Variants in CADPS2 observed in about 807,000 individuals in gnomAD.
CADPS2 encodes the protein calcium dependent secretion activator 2.
CADPS2 carries 93 observed loss-of-function variants against 172.5 expected under a neutral mutation model. The ratio of observed to expected loss-of-function variants is 0.54; its 90% CI spans 0.46 to 0.64. CADPS2 has a LOEUF of 0.64. CADPS2 is among the 30% of genes least tolerant of loss of function. The pLI is 0.00. For synonymous variants in CADPS2, 546 were observed against 555.2 expected, an observed-to-expected ratio of 0.98 and a Z score of 0.23; for missense variants, 1,420 against 1,565.9, an observed-to-expected ratio of 0.91 and a Z score of 1.57.
intron 8 of CADPS2, among the ~76,000 whole-genome samples, chr7:122,541,857 TTATA>T (rs373127517): frequency 1.3e-5 from 1 of 79,036 alleles, no homozygotes; most frequent in Admixed American, 1.2e-4. Flanking sequence ...TCATATATAT[TTATA>T]TATATGCATA....
chr7:122,696,777 T>C (rs1374695234), intron 2 of CADPS2, among the ~76,000 whole-genome samples: 2 of 152,182 alleles, frequency 1.3e-5, no homozygotes, highest in Non-Finnish European at 2.9e-5. Context: ...TTTTCTGTTA[T>C]TTTGTATAAT....
chr7:122,613,995 T>G (rs1348712280), intron 6 of CADPS2, among the ~76,000 whole-genome samples: 1 of 151,966 alleles, frequency 6.6e-6, no homozygotes, highest in African/African-American at 2.4e-5. Context: ...AGGGAAGGAT[T>G]ATTCTCAGTG....
At chr7:122,722,086 T>C (rs1017739390) in intron 2 of CADPS2, among the ~76,000 whole-genome samples, 1 of 152,060 alleles carries the variant, frequency 6.6e-6, no homozygotes, top group African/African-American at 2.4e-5. Context: ...GCCAATATCA[T>C]ACTGAATGGG....
chr7:122,588,134 G>GC (rs2070078392), intron 6 of CADPS2, among the ~76,000 whole-genome samples: 1 of 151,966 alleles, frequency 6.6e-6, no homozygotes, highest in African/African-American at 2.4e-5. Context: ...TGGATGGATT[G>GC]CAACGATTTT....
chr7:122,659,962 A>C (rs987909155), intron 3 of CADPS2, among the ~76,000 whole-genome samples: 1 of 152,216 alleles, frequency 6.6e-6, no homozygotes. Flanking sequence ...AAAAACTGAG[A>C]GACTGCATCA....
intron 8 of CADPS2, among the ~76,000 whole-genome samples, chr7:122,522,821 G>A (rs1563586591): frequency 6.7e-6 from 1 of 149,714 alleles, no homozygotes; most frequent in Non-Finnish European, 1.5e-5. Flanking sequence ...GAGAACATGT[G>A]CCATCTGTCT....
intron 1 of CADPS2, among the ~76,000 whole-genome samples, chr7:122,787,926 A>G (rs1021100270): frequency 2.0e-5 from 3 of 152,198 alleles, no homozygotes; most frequent in Non-Finnish European, 4.4e-5. Flanking sequence ...AAAGGCTTTT[A>G]GGCAGTATTT....
intron 15 of CADPS2, among the ~76,000 whole-genome samples, chr7:122,448,489 C>A (rs147535319): frequency 2.2e-4 from 34 of 152,076 alleles, no homozygotes; most frequent in African/African-American, 7.7e-4. Flanking sequence ...AGATGATGTG[C>A]GTATAAGAGA....
chr7:122,460,341 A>C lies in CADPS2; in HGVS notation c.2187-8866T>G, dbSNP rs562582803. On this transcript the variant is annotated intron_variant, in intron 14 of 29. Coordinates refer to ENST00000449022, the MANE Select transcript of CADPS2 (RefSeq NM_017954.11). The stretch of plus-strand genomic sequence containing the variant: ...GAACAACATGGCTGTCTTGGTGGTA[A>C]ATATCAATACTGAGAAAGCTTTACA... 2.0e-5 allele frequency among the ~76,000 whole-genome samples: 3 copies of C among 152,146 alleles called. No homozygotes were observed. In the East Asian group the frequency reaches 5.8e-4, roughly 30 times the overall value.
At chr7:122,838,455 A>C (rs1290743102) in intron 1 of CADPS2, among the ~76,000 whole-genome samples, 1 of 152,198 alleles carries the variant, frequency 6.6e-6, no homozygotes, top group Non-Finnish European at 1.5e-5. Flanking sequence ...GAAGAAAGAA[A>C]GGGTACTCAA....
At chr7:122,405,535 C>T (rs369720354) in intron 20 of CADPS2, among the ~76,000 whole-genome samples, 70 of 152,104 alleles carry the variant, frequency 4.6e-4, no homozygotes, top group South Asian at 1.9e-3. Context: ...TGGTGGTGCA[C>T]GCCTGTAATC....
At chr7:122,712,937 T>C (rs2088991909) in intron 2 of CADPS2, among the ~76,000 whole-genome samples, 1 of 151,958 alleles carries the variant, frequency 6.6e-6, no homozygotes, top group African/African-American at 2.4e-5. Context: ...CACCTCCTAA[T>C]ACCATCACCT....
rs1398278399 is a variant in CADPS2, at chr7:122,861,477, T to C, written c.339+24522A>G. On this transcript the variant is annotated intron_variant, in intron 1 of 29. Transcript: ENST00000449022. The stretch of plus-strand genomic sequence containing the variant: ...TTTGTTTGTTATTGAATTGTTGGAG[T>C]TCCTTGCATATTCTGGATATTAAAC... Among the ~76,000 whole-genome samples the C allele has an allele frequency of 2.6e-5, 4 of 152,218 alleles. No homozygotes were observed. The East Asian group carries it at 5.8e-4, about 22-fold the overall frequency.
intron 2 of CADPS2, among the ~76,000 whole-genome samples, chr7:122,664,004 C>A (rs1295595215): frequency 6.8e-6 from 1 of 147,638 alleles, no homozygotes; most frequent in African/African-American, 2.5e-5. Context: ...GGCTAACACC[C>A]TGATTTTGGA....
chr7:122,588,124 T>A (rs1459517590), intron 6 of CADPS2, among the ~76,000 whole-genome samples: 2 of 152,112 alleles, frequency 1.3e-5, no homozygotes, highest in African/African-American at 4.8e-5. Context: ...CTTGCTCGAA[T>A]GGATGGATTG....
chr7:122,588,645 C>A (rs1023877993), intron 6 of CADPS2, among the ~76,000 whole-genome samples: 6 of 151,924 alleles, frequency 3.9e-5, no homozygotes, highest in African/African-American at 7.2e-5. Flanking sequence ...AGCATTGATT[C>A]TGATATTCTC....
At chr7:122,490,665 A>C (rs961077049) in intron 10 of CADPS2, among the ~76,000 whole-genome samples, 5 of 152,080 alleles carry the variant, frequency 3.3e-5, no homozygotes, top group Admixed American at 2.0e-4. Context: ...TTAAGACAAA[A>C]ATGATATTTC....
chr7:122,643,252 T>C (rs2077889393), intron 3 of CADPS2, among the ~76,000 whole-genome samples: 1 of 152,214 alleles, frequency 6.6e-6, no homozygotes, highest in African/African-American at 2.4e-5. Context: ...TTTTATTAAG[T>C]ATTAGCAAAT....
intron 1 of CADPS2, among the ~76,000 whole-genome samples, chr7:122,784,518 C>T (rs1462808140): frequency 2.6e-5 from 4 of 152,174 alleles, no homozygotes; most frequent in Non-Finnish European, 2.9e-5. Flanking sequence ...GTGGGTGATA[C>T]TTTCTGAATG....
Sources: gnomAD v4.1 joint callset for allele counts (sites outside exome capture counted in the v4.1 genomes callset) on GRCh38, gnomAD v4.1.1 for gene constraint, MANE v1.5 for transcripts, NCBI Gene and HGNC (gene_info 2026-07-23, HGNC 2026-07-21) for gene names.